TANK: variants seen among roughly 807,000 people sequenced by gnomAD.
TANK encodes the protein TRAF family member associated NFKB activator, also known as TRAF family member-associated NF-kappa-B activator.
In TANK, 15 loss-of-function variants were observed where a neutral mutation model predicts 43.6. That is an observed-to-expected ratio of 0.34 (90% CI 0.23 to 0.53). TANK has a LOEUF of 0.53. Ranked by LOEUF, TANK falls within the 20% of genes least tolerant of loss-of-function variation. The pLI is 0.94. For synonymous variants in TANK, 162 were observed against 178.2 expected (o/e 0.91, Z 0.73); for missense variants, 417 against 498.6 (o/e 0.84, Z 1.56).
intron 4 of TANK, among the ~76,000 whole-genome samples, chr2:161,210,666 C>T (rs1468579072): frequency 6.7e-6 from 1 of 148,440 alleles, no homozygotes; most frequent in Admixed American, 6.7e-5. Context: ...CACTGCACTC[C>T]AGCCTAGGTG....
chr2:161,161,373 TGCCTTCTTACC>T, intron 1 of TANK: 1 of 1,550,770 alleles, frequency 6.4e-7, no homozygotes, highest in South Asian at 1.2e-5. Context: ...GAAAATGACC[TGCCTTCTTACC>T]GCGGTTGGAA....
chr2:161,146,219 TCCTATAG>T (rs1683907031), intron 1 of TANK, among the ~76,000 whole-genome samples: 1 of 152,144 alleles, frequency 6.6e-6, no homozygotes, highest in African/African-American at 2.4e-5. Context: ...ATTTAGTAGC[TCCTATAG>T]CCTTTTATCA....
intron 4 of TANK, among the ~76,000 whole-genome samples, chr2:161,214,204 G>A (rs1029579425): frequency 2.0e-5 from 3 of 152,060 alleles, no homozygotes; most frequent in African/African-American, 7.2e-5. Context: ...TCCTTAACAT[G>A]ACAGGCTAAC....
At chr2:161,200,987 T>C (rs1686382437) in intron 2 of TANK, 1 of 439,934 alleles carries the variant, frequency 2.3e-6, no homozygotes, top group African/African-American at 2.1e-5. Context: ...TCTGGAGATA[T>C]CAGGAGGAAA....
At chr2:161,141,698 A>G (rs1037283489) in intron 1 of TANK, among the ~76,000 whole-genome samples, 9 of 152,098 alleles carry the variant, frequency 5.9e-5, no homozygotes, top group African/African-American at 2.2e-4. Context: ...TTCCAGGTGT[A>G]TAAGTACACA....
At chr2:161,199,949 C>T (rs539792957) in intron 2 of TANK, among the ~76,000 whole-genome samples, 5 of 152,122 alleles carry the variant, frequency 3.3e-5, no homozygotes, top group African/African-American at 1.2e-4. Flanking sequence ...ACCTGTTTAC[C>T]TCTTTAGATG....
chr2:161,189,656 CA>C (rs962500488), intron 2 of TANK, among the ~76,000 whole-genome samples: 3 of 151,562 alleles, frequency 2.0e-5, no homozygotes, highest in Non-Finnish European at 2.9e-5. Context: ...ATTCCACACC[CA>C]AAAAAAACCC....
chr2:161,158,231 C>G (rs941389599), upstream of TANK, among the ~76,000 whole-genome samples: 2 of 152,114 alleles, frequency 1.3e-5, no homozygotes, highest in Non-Finnish European at 2.9e-5. Flanking sequence ...CATCACTGCT[C>G]ACTAACTTGA....
intron 2 of TANK, among the ~76,000 whole-genome samples, chr2:161,199,474 A>T (rs1686307392): frequency 6.6e-6 from 1 of 152,202 alleles, no homozygotes; most frequent in Non-Finnish European, 1.5e-5. Context: ...GCAATAGGAA[A>T]CAATTCAATT....
chr2:161,182,344 C>T (rs1402229803), intron 2 of TANK, among the ~76,000 whole-genome samples: 4 of 152,090 alleles, frequency 2.6e-5, no homozygotes, highest in African/African-American at 9.7e-5. Flanking sequence ...CTCCCCTCCC[C>T]AAGTTGCAAG....
chr2:161,193,417 A>C (rs1686007765), intron 2 of TANK, among the ~76,000 whole-genome samples: 1 of 152,232 alleles, frequency 6.6e-6, no homozygotes, highest in Non-Finnish European at 1.5e-5. Flanking sequence ...GTGCATAAAT[A>C]TAAAAGTTGA....
Position 161,231,457 on chromosome 2 carries a change from CA to C in TANK, c.1008del (p.Leu337TyrfsTer3). 6.2e-7 allele frequency: 1 copy of C among 1,614,114 alleles called. No homozygotes were observed. The highest frequency in any genetic ancestry group is 8.5e-7 in the Non-Finnish European group (1 of 1,180,022). On this transcript the variant is annotated frameshift_variant, in exon 7 of 8. Transcript: ENST00000392749. LOFTEE classifies it high-confidence loss of function. ...AACLPPGDHN[A>X]LYVNSFPLLD... Reference sequence around the variant, plus strand: ...TGTTTGCCACCTGGAGACCATAATGCATTATATGTAAATAGCTTCCCACTTC... The same window carrying C: ...TGTTTGCCACCTGGAGACCATAATGCTTATATGTAAATAGCTTCCCACTTC...
chr2:161,233,138 C>A (rs533489665), intron 7 of TANK, among the ~76,000 whole-genome samples: 17 of 152,078 alleles, frequency 1.1e-4, no homozygotes, highest in Non-Finnish European at 2.4e-4. Flanking sequence ...AATCCCAGCA[C>A]TTTGGGAGGC....
upstream of TANK, chr2:161,155,963 TA>T (rs781112866): frequency 2.6e-4 from 198 of 756,048 alleles, 1 homozygote; most frequent in Non-Finnish European, 3.2e-4. Flanking sequence ...CTGATTAAAT[TA>T]ATGACTTGAT....
chr2:161,200,335 A>C, intron 2 of TANK: 1 of 984,324 alleles, frequency 1.0e-6, no homozygotes, highest in South Asian at 4.7e-5. Context: ...GTGCAACAAT[A>C]ATCTGACCTT....
At chr2:161,181,193 G>A (rs979337955) in intron 2 of TANK, among the ~76,000 whole-genome samples, 2 of 152,116 alleles carry the variant, frequency 1.3e-5, no homozygotes, top group African/African-American at 2.4e-5. Flanking sequence ...GGCTGAGGTA[G>A]GTGGATCACC....
intron 2 of TANK, among the ~76,000 whole-genome samples, chr2:161,195,650 G>A (rs1002840489): frequency 2.0e-5 from 3 of 152,060 alleles, no homozygotes; most frequent in Non-Finnish European, 4.4e-5. Flanking sequence ...AGGGTGAGGG[G>A]TAGGGAAAAA....
intron 1 of TANK, among the ~76,000 whole-genome samples, chr2:161,145,036 C>T (rs1346587021): frequency 1.3e-5 from 2 of 151,394 alleles, no homozygotes; most frequent in East Asian, 3.9e-4. Flanking sequence ...GCATTGATCC[C>T]TTTACCATTA....
At chr2:161,161,382 A>C in intron 1 of TANK, 1 of 1,550,902 alleles carries the variant, frequency 6.4e-7, no homozygotes, top group Non-Finnish European at 8.7e-7. Flanking sequence ...CTGCCTTCTT[A>C]CCGCGGTTGG....
Sources: gnomAD v4.1 joint callset for allele counts (sites outside exome capture counted in the v4.1 genomes callset) on GRCh38, gnomAD v4.1.1 for gene constraint, MANE v1.5 for transcripts, NCBI Gene and HGNC (gene_info 2026-07-23, HGNC 2026-07-21) for gene names.